ZNF804B: variants seen among roughly 807,000 people sequenced by gnomAD.
The protein encoded by ZNF804B is zinc finger 804B.
A neutral mutation model predicts 101.4 loss-of-function variants in ZNF804B; 80 were observed. The observed-to-expected ratio is 0.79, with a 90% CI of 0.66 to 0.95. ZNF804B has a LOEUF of 0.95. ZNF804B is among the 40% of genes least tolerant of loss of function. The pLI, the probability that ZNF804B is intolerant of heterozygous loss-of-function variation, is 0.00. For missense variants in ZNF804B, 1,673 were observed against 1,561.9 expected, an observed-to-expected ratio of 1.07 and a Z score of -1.20; for synonymous variants, 622 against 558.8, an observed-to-expected ratio of 1.11 and a Z score of -1.59.
intron 2 of ZNF804B, among the ~76,000 whole-genome samples, chr7:89,235,903 A>G (rs1475835424): frequency 1.4e-5 from 2 of 148,076 alleles, no homozygotes; most frequent in Non-Finnish European, 3.0e-5. Context: ...AATAAAGTCT[A>G]TTAACATTAA....
At chr7:88,945,473 T>C (rs1467051343) in intron 1 of ZNF804B, among the ~76,000 whole-genome samples, 4 of 152,154 alleles carry the variant, frequency 2.6e-5, no homozygotes, top group Admixed American at 6.6e-5. Flanking sequence ...ACCAGTACCA[T>C]GCTGTTTTGT....
In ZNF804B at chr7:89,098,379, TCTCCTAC is replaced by T. The variant is rs369559316; in HGVS notation, c.109-119772_109-119766del. On this transcript the variant is annotated intron_variant, in intron 1 of 3. Transcript: ENST00000333190. ...CTCTGCCTCCCGGGGTTCAAGCAATTCTCCTACCTCAGTCTCCTGAGTATCTTGGATT... is the reference window on the plus strand; with the variant it reads ...CTCTGCCTCCCGGGGTTCAAGCAATTCTCAGTCTCCTGAGTATCTTGGATT... Among the ~76,000 whole-genome samples, 785 of 151,978 alleles carry T rather than the reference TCTCCTAC, an allele frequency of 5.2e-3. 9 individuals are homozygous for T. The highest frequency in any genetic ancestry group is 0.018 in the African/African-American group (744 of 41,450).
chr7:88,966,234 T>C (rs1793452287), intron 1 of ZNF804B, among the ~76,000 whole-genome samples: 1 of 151,600 alleles, frequency 6.6e-6, no homozygotes, highest in Admixed American at 6.6e-5. Context: ...TAGTGTTATG[T>C]ATAATTTTGT....
chr7:88,954,555 G>GCCC (rs10646255), intron 1 of ZNF804B, among the ~76,000 whole-genome samples: 4,861 of 148,544 alleles, frequency 0.033, 159 homozygotes, highest in South Asian at 0.13. Context: ...TCTAAAACAT[G>GCCC]CCCCCCCCCC....
At chr7:89,068,758 T>C (rs1789492661) in intron 1 of ZNF804B, among the ~76,000 whole-genome samples, 1 of 152,258 alleles carries the variant, frequency 6.6e-6, no homozygotes, top group Admixed American at 6.5e-5. Context: ...TAGATTAATT[T>C]GAAAGTTATC....
chr7:88,942,526 G>GTA (rs1554348171), intron 1 of ZNF804B, among the ~76,000 whole-genome samples: 73 of 149,006 alleles, frequency 4.9e-4, no homozygotes, highest in African/African-American at 1.6e-3. Flanking sequence ...GTGTGTGTGT[G>GTA]TGTGTTTTGC....
chr7:88,986,459 A>G (rs1283406569), intron 1 of ZNF804B, among the ~76,000 whole-genome samples: 1 of 152,136 alleles, frequency 6.6e-6, no homozygotes, highest in Non-Finnish European at 1.5e-5. Flanking sequence ...AAAAGTTAAT[A>G]CAGTTTTTAG....
chr7:88,828,715 A>G lies in ZNF804B; in HGVS notation c.108+68631A>G, dbSNP rs150598222. Among the ~76,000 whole-genome samples, 941 of 152,288 alleles carry G rather than the reference A, an allele frequency of 6.2e-3. 8 individuals carry two copies. Among genetic ancestry groups the G allele is most frequent in the African/African-American group, 0.021 (867 of 41,574 alleles). ...AAAATAAAAATACTAATTTGCATCTATTGAGATGATCATATGATTTACAAA... is the reference window on the plus strand; with the variant it reads ...AAAATAAAAATACTAATTTGCATCTGTTGAGATGATCATATGATTTACAAA... On this transcript the variant is annotated intron_variant, in intron 1 of 3. Coordinates refer to ENST00000333190, the MANE Select transcript of ZNF804B (RefSeq NM_181646.5).
At chr7:88,913,402 C>T (rs887717266) in intron 1 of ZNF804B, among the ~76,000 whole-genome samples, 38 of 151,936 alleles carry the variant, frequency 2.5e-4, no homozygotes, top group African/African-American at 9.2e-4. Context: ...GAGTCTGATG[C>T]TTTTTCTTCG....
At chr7:88,870,775 C>T (rs931730800) in intron 1 of ZNF804B, among the ~76,000 whole-genome samples, 1 of 151,958 alleles carries the variant, frequency 6.6e-6, no homozygotes, top group Non-Finnish European at 1.5e-5. Flanking sequence ...AACAGTTACA[C>T]ATTGCAAAAA....
intron 1 of ZNF804B, among the ~76,000 whole-genome samples, chr7:89,147,026 A>G (rs1790800646): frequency 6.6e-6 from 1 of 151,224 alleles, no homozygotes; most frequent in African/African-American, 2.4e-5. Context: ...CCCTGTCTCA[A>G]AAAACAAACA....
At chr7:88,887,716 A>G (rs1792149772) in intron 1 of ZNF804B, among the ~76,000 whole-genome samples, 1 of 151,870 alleles carries the variant, frequency 6.6e-6, no homozygotes, top group South Asian at 2.1e-4. Flanking sequence ...TATGTTTTAC[A>G]AAGTGTTAAA....
Position 89,258,765 on chromosome 7 carries a change from G to A in ZNF804B, c.249+40470G>A, listed in dbSNP as rs184259163. 9.2e-4 allele frequency among the ~76,000 whole-genome samples: 140 copies of A among 152,174 alleles called. 4 individuals are homozygous for A. In the East Asian group the frequency reaches 0.026, roughly 28 times the overall value. On this transcript the variant is annotated intron_variant, in intron 2 of 3. Transcript: ENST00000333190. ...TGTATTCTTACAATAAAGTAAGCTA[G>A]AGAGACAATATTTTATTAAAATCAT...
rs187287481 is a variant in ZNF804B at position 89,027,299 on chromosome 7, A to T, written c.109-190856A>T. ...TCTGGAAGATACAGGGAATAAAAAT[A>T]AGAGTCCTTAAAGCTAGCTCTCTGA... On this transcript the variant is annotated intron_variant, in intron 1 of 3. Transcript: ENST00000333190. 2.6e-5 allele frequency among the ~76,000 whole-genome samples: 4 copies of T among 152,300 alleles called. No individual in the cohort carries two copies. In the East Asian group the frequency reaches 7.7e-4, roughly 29 times the overall value.
At chr7:89,255,291 C>T (rs1789610560) in intron 2 of ZNF804B, among the ~76,000 whole-genome samples, 1 of 152,156 alleles carries the variant, frequency 6.6e-6, no homozygotes, top group Non-Finnish European at 1.5e-5. Context: ...AGTCACCTCC[C>T]CTGGTCCTGC....
chr7:88,866,298 T>G (rs1208292429), intron 1 of ZNF804B, among the ~76,000 whole-genome samples: 1 of 152,212 alleles, frequency 6.6e-6, no homozygotes, highest in Non-Finnish European at 1.5e-5. Flanking sequence ...TTCCTTTCCT[T>G]TGTGACTTTG....
At chr7:88,879,179 C>G (rs1210103099) in intron 1 of ZNF804B, among the ~76,000 whole-genome samples, 2 of 152,140 alleles carry the variant, frequency 1.3e-5, no homozygotes, top group Non-Finnish European at 2.9e-5. Context: ...ATATAAACAT[C>G]TTTGGAGGAG....
intron 1 of ZNF804B, among the ~76,000 whole-genome samples, chr7:88,803,523 C>A (rs1184345617): frequency 6.6e-6 from 1 of 152,096 alleles, no homozygotes; most frequent in Middle Eastern, 3.2e-3. Flanking sequence ...AATGTGCAAG[C>A]CATCACCAAG....
At chr7:89,165,200 A>T (rs1453275636) in intron 1 of ZNF804B, among the ~76,000 whole-genome samples, 1 of 152,090 alleles carries the variant, frequency 6.6e-6, no homozygotes, top group Non-Finnish European at 1.5e-5. Context: ...CTTTTCTGCC[A>T]TTCTTACAGT....
Sources: allele counts gnomAD v4.1 joint callset (sites outside exome capture counted in the v4.1 genomes callset), GRCh38; gene constraint gnomAD v4.1.1; transcripts MANE v1.5; gene names NCBI Gene and HGNC (gene_info 2026-07-23, HGNC 2026-07-21).